The following ZC3H4 variants were observed in gnomAD, a reference collection of about 807,000 sequenced individuals.
ZC3H4 encodes the protein zinc finger CCCH domain-containing protein 4.
ZC3H4 carries 13 observed loss-of-function variants against 108.3 expected under a neutral mutation model. That is an observed-to-expected ratio of 0.12 (90% CI 0.08 to 0.19). The LOEUF is 0.19. Among genes scored for constraint, ZC3H4 ranks in the 10% least tolerant of loss-of-function variants. The probability of loss-of-function intolerance (pLI) is 1.00; values close to 1 mark genes in which losing one functional copy is unlikely to be tolerated. For synonymous variants in ZC3H4, 917 were observed against 749.6 expected (o/e 1.22, Z -3.65); for missense variants, 1,734 against 1,838.8 (o/e 0.94, Z 1.04).
At chr19:47,092,266 C>G (rs1371900092) in intron 4 of ZC3H4, among the ~76,000 whole-genome samples, 2 of 152,146 alleles carry the variant, frequency 1.3e-5, no homozygotes, top group Non-Finnish European at 2.9e-5. Context: ...TATAGAAAAA[C>G]AGGACAATGC....
intron 6 of ZC3H4, 143 bp downstream of exon 6, chr19:47,086,241 A>T: frequency 1.1e-6 from 1 of 890,136 alleles, no homozygotes; most frequent in Non-Finnish European, 1.7e-6. Flanking sequence ...TTAAACACAT[A>T]CATCTGCGCT....
At chr19:47,106,890 T>TG (rs2057974800) in intron 2 of ZC3H4, among the ~76,000 whole-genome samples, 1 of 152,200 alleles carries the variant, frequency 6.6e-6, no homozygotes, top group African/African-American at 2.4e-5. Context: ...GATGAGACCT[T>TG]GTTCATTCCC....
chr19:47,097,053 C>T, intron 2 of ZC3H4: 1 of 938,008 alleles, frequency 1.1e-6, no homozygotes, highest in African/African-American at 1.8e-5. Context: ...GACAAAAGAC[C>T]ATTCAAGGAA....
At chr19:47,106,350 G>A (rs1026432434) in intron 2 of ZC3H4, among the ~76,000 whole-genome samples, 3 of 152,216 alleles carry the variant, frequency 2.0e-5, no homozygotes, top group South Asian at 2.1e-4. Context: ...GGGAGGCTGA[G>A]GTGGAGGATC....
chr19:47,079,889 AAAAC>A (rs1188543696), intron 11 of ZC3H4, among the ~76,000 whole-genome samples: 2 of 152,278 alleles, frequency 1.3e-5, no homozygotes, highest in South Asian at 2.1e-4. Context: ...TCTGTATCAA[AAAAC>A]AAACAAAACA....
Position 47,066,844 on chromosome 19 carries a change from C to A in ZC3H4, c.3424G>T (p.Val1142Leu). The A allele has an allele frequency of 6.3e-7, 1 of 1,599,366 alleles. No individual in the cohort carries two copies. The highest frequency in any genetic ancestry group is 1.7e-4 in the Middle Eastern group (1 of 6,058). Reference sequence around the variant, plus strand: ...TCGTAGAGGCTGATACCGCTCAGCACACTGCTCTGCCCGCCCCCTCCGCCC... The same window carrying A: ...TCGTAGAGGCTGATACCGCTCAGCAAACTGCTCTGCCCGCCCCCTCCGCCC... Reference protein sequence around the residue: ...GQGGGGGQSSVLSGISLYDPR... With the variant: ...GQGGGGGQSSLLSGISLYDPR... Residue 1142 changes from valine to leucine, a missense_variant, in exon 15 of 15, where the codon GTG becomes TTG. By Grantham distance (32) the Val-to-Leu change is conservative. Around this residue, in one of 9 missense-constraint regions of ZC3H4, gnomAD observed 518 missense variants for 499.6 expected, o/e 1.04. Transcript: ENST00000253048.
chr19:47,082,077 GCA>G, intron 10 of ZC3H4, 105 bp downstream of exon 10: 1 of 971,654 alleles, frequency 1.0e-6, no homozygotes, highest in South Asian at 1.3e-5. Context: ...AAAGCTCTTG[GCA>G]CAGAGAGAAA....
At chr19:47,087,745 A>G (rs985541718) in intron 5 of ZC3H4, among the ~76,000 whole-genome samples, 1 of 152,138 alleles carries the variant, frequency 6.6e-6, no homozygotes, top group African/African-American at 2.4e-5. Context: ...ATGGTGGTGC[A>G]GGCCTGTAAT....
chr19:47,102,879 C>A (rs1174375484), intron 2 of ZC3H4, among the ~76,000 whole-genome samples: 2 of 152,132 alleles, frequency 1.3e-5, no homozygotes, highest in African/African-American at 4.8e-5. Context: ...CCTTCGCCCC[C>A]AAGTGTGCAG....
chr19:47,082,741 ATAG>A (rs2057546469), intron 9 of ZC3H4, among the ~76,000 whole-genome samples: 1 of 152,230 alleles, frequency 6.6e-6, no homozygotes, highest in African/African-American at 2.4e-5. Flanking sequence ...AGATGGCAGA[ATAG>A]TAAGCAGGAA....
chr19:47,084,922 G>T, intron 8 of ZC3H4, 134 bp downstream of exon 8: 2 of 1,200,094 alleles, frequency 1.7e-6, no homozygotes. Context: ...TGGTTATGCT[G>T]GTCAACACTG....
At chr19:47,080,978 GC>G (rs1228165544) in intron 11 of ZC3H4, among the ~76,000 whole-genome samples, 4 of 151,930 alleles carry the variant, frequency 2.6e-5, no homozygotes, top group African/African-American at 9.7e-5. Flanking sequence ...TTGCCATGTT[GC>G]CCTAAGTACA....
At position 47,090,133 on chromosome 19, in the gene ZC3H4, G is replaced by T. The variant is rs1240941709; in HGVS notation, c.549C>A (p.Ser183=). ...TGCCATAACTCTTGCTGTCCATCTTGGAGTATGCCTTCTTGGGCAGGGGCG... is the reference window on the plus strand; with the variant it reads ...TGCCATAACTCTTGCTGTCCATCTTTGAGTATGCCTTCTTGGGCAGGGGCG... ...HATPLPKKAY[S]KMDSKSYGMY... is the part of the protein sequence containing the mutation. Residue 183 remains serine (S), a synonymous_variant, in exon 5 of 15, where the codon TCC becomes TCA. Coordinates refer to ENST00000253048, the MANE Select transcript of ZC3H4 (RefSeq NM_015168.2). 5 of 1,614,102 alleles carry T rather than the reference G, an allele frequency of 3.1e-6. No individual in the cohort carries two copies. The highest frequency in any genetic ancestry group is 3.4e-6 in the Non-Finnish European group (4 of 1,180,046).
chr19:47,087,295 C>CAA (rs1420363166), intron 5 of ZC3H4, among the ~76,000 whole-genome samples: 3 of 90,164 alleles, frequency 3.3e-5, no homozygotes, highest in African/African-American at 9.7e-5. Context: ...CACACACACA[C>CAA]ACAAAAAAAA....
chr19:47,084,328 C>T lies in ZC3H4; in HGVS notation c.1218+17G>A, dbSNP rs375961528. On this transcript the variant is annotated intron_variant, in intron 9 of 14. Coordinates refer to ENST00000253048, the MANE Select transcript of ZC3H4 (RefSeq NM_015168.2). ...GCTATGGCCTCCTAGAGGTGCCCAGCTTTCAGCGCTCCTTACCCAGGTGCA... is the reference window on the plus strand; with the variant it reads ...GCTATGGCCTCCTAGAGGTGCCCAGTTTTCAGCGCTCCTTACCCAGGTGCA... 3 of 1,613,524 alleles carry T rather than the reference C, an allele frequency of 1.9e-6. No individual in the cohort carries two copies. The highest frequency in any genetic ancestry group is 2.7e-5 in the African/African-American group (2 of 74,928).
chr19:47,091,848 G>C (rs1363466956), intron 4 of ZC3H4, among the ~76,000 whole-genome samples: 4 of 151,928 alleles, frequency 2.6e-5, no homozygotes, highest in Non-Finnish European at 4.4e-5. Context: ...AGCCGAGATT[G>C]TGCCACTGCA....
chr19:47,089,652 G>A (rs1174583888), intron 5 of ZC3H4, among the ~76,000 whole-genome samples: 1 of 152,202 alleles, frequency 6.6e-6, no homozygotes, highest in Non-Finnish European at 1.5e-5. Flanking sequence ...TGTGGGGTGT[G>A]GCAGCCAGCT....
chr19:47,073,458 G>A (rs1204817656), intron 11 of ZC3H4, among the ~76,000 whole-genome samples: 1 of 152,074 alleles, frequency 6.6e-6, no homozygotes, highest in Admixed American at 6.6e-5. Context: ...TGTAATCCCA[G>A]CTACTCAGGA....
At chr19:47,109,154 G>A (rs1434005694) in intron 2 of ZC3H4, among the ~76,000 whole-genome samples, 4 of 151,824 alleles carry the variant, frequency 2.6e-5, no homozygotes, top group Admixed American at 2.0e-4. Flanking sequence ...ATCAGTCTGG[G>A]GGGAAAAAAG....
Sources: gnomAD v4.1 joint callset for allele counts (sites outside exome capture counted in the v4.1 genomes callset) on GRCh38, gnomAD v4.1.1 for gene constraint, gnomAD v4.1.1 regional missense constraint, MANE v1.5 for transcripts, NCBI Gene and HGNC (gene_info 2026-07-23, HGNC 2026-07-21) for gene names.